Variants in PRR16 observed in about 807,000 individuals in gnomAD.
PRR16 encodes the protein protein Largen.
PRR16 carries 6 observed loss-of-function variants against 18.2 expected under a neutral mutation model. The observed-to-expected ratio is 0.33, with a 90% CI of 0.18 to 0.65. The LOEUF (loss-of-function observed/expected upper bound fraction) is 0.65, where lower values mean the gene tolerates loss of function less well. Among genes scored for constraint, PRR16 ranks in the 30% least tolerant of loss-of-function variants. PRR16 has a pLI of 0.74. For synonymous variants in PRR16, 151 were observed against 147.8 expected (o/e 1.02, Z -0.16); for missense variants, 412 against 376.6 (o/e 1.09, Z -0.78).
chr5:120,546,637 C>G (rs760251603), intron 1 of PRR16, among the ~76,000 whole-genome samples: 2 of 152,048 alleles, frequency 1.3e-5, no homozygotes, highest in Non-Finnish European at 2.9e-5. Context: ...TAAAAGCACA[C>G]AGTGTGAAGA....
chr5:120,673,366 T>C (rs917571126), intron 1 of PRR16, among the ~76,000 whole-genome samples: 4 of 152,258 alleles, frequency 2.6e-5, no homozygotes, highest in Non-Finnish European at 5.9e-5. Flanking sequence ...CTTATGGTTG[T>C]ATGACAAAAT....
chr5:120,634,880 A>G (rs977727450), intron 1 of PRR16, among the ~76,000 whole-genome samples: 2 of 152,188 alleles, frequency 1.3e-5, no homozygotes, highest in Non-Finnish European at 2.9e-5. Flanking sequence ...AGATTCACCA[A>G]GAAAAGAAGA....
intron 1 of PRR16, among the ~76,000 whole-genome samples, chr5:120,611,868 C>T (rs1020253119): frequency 1.1e-4 from 16 of 152,278 alleles, no homozygotes; most frequent in Non-Finnish European, 1.6e-4. Flanking sequence ...AATGGTAGCT[C>T]TACCGACAGC....
the PRR16 span, among the ~76,000 whole-genome samples, chr5:120,722,961 T>C: frequency 2.6e-5 from 4 of 151,490 alleles, no homozygotes; most frequent in Admixed American, 6.6e-5. Context: ...TTAAGAATTA[T>C]ATATATAATA....
the PRR16 span, among the ~76,000 whole-genome samples, chr5:120,751,795 G>C: frequency 2.0e-5 from 3 of 152,036 alleles, no homozygotes; most frequent in Admixed American, 6.6e-5. Context: ...ATCTTTGTAG[G>C]GGGTGGGTGG....
At position 120,651,253 on chromosome 5, in the gene PRR16, G is replaced by A. The variant is rs371862800; in HGVS notation, c.160-34701G>A. The stretch of plus-strand genomic sequence containing the variant: ...GCCCCTTGTCAGATGAGTAGGTTGC[G>A]AAAATGTTCTCCCATTCTGTAGGTT... On this transcript the variant is annotated intron_variant, in intron 1 of 1. Coordinates refer to ENST00000407149, the MANE Select transcript of PRR16 (RefSeq NM_001300783.2). Among the ~76,000 whole-genome samples the A allele has an allele frequency of 2.6e-5, 4 of 152,184 alleles. No individual in the cohort carries two copies. In the East Asian group the frequency reaches 5.8e-4, roughly 22 times the overall value.
chr5:120,768,317 A>T, the PRR16 span, among the ~76,000 whole-genome samples: 1 of 151,842 alleles, frequency 6.6e-6, no homozygotes, highest in Non-Finnish European at 1.5e-5. Flanking sequence ...TAGCTATTGT[A>T]ATTTATTCGT....
At chr5:120,695,122 A>G in the PRR16 span, among the ~76,000 whole-genome samples, 1 of 152,272 alleles carries the variant, frequency 6.6e-6, no homozygotes, top group East Asian at 1.9e-4. Flanking sequence ...TGGCACTATT[A>G]TTTTCTACCC....
chr5:120,716,847 G>T, the PRR16 span, among the ~76,000 whole-genome samples: 7 of 151,920 alleles, frequency 4.6e-5, no homozygotes, highest in African/African-American at 7.3e-5. Context: ...ACTCCAACCT[G>T]GGCAACAGAG....
chr5:120,787,359 C>T, the PRR16 span, among the ~76,000 whole-genome samples: 1 of 152,020 alleles, frequency 6.6e-6, no homozygotes, highest in Non-Finnish European at 1.5e-5. Context: ...TATCTCATAC[C>T]AACCAGTGAG....
chr5:120,782,588 A>G, the PRR16 span, among the ~76,000 whole-genome samples: 57 of 152,192 alleles, frequency 3.7e-4, no homozygotes, highest in African/African-American at 1.3e-3. Flanking sequence ...CACTGCAGTC[A>G]TAAGTTACAA....
chr5:120,652,481 T>G lies in PRR16; in HGVS notation c.160-33473T>G, dbSNP rs75186954. Among the ~76,000 whole-genome samples, 1,376 of 151,844 alleles carry G rather than the reference T, an allele frequency of 9.1e-3. 8 individuals carry two copies. Among genetic ancestry groups the G allele is most frequent in the South Asian group, 0.028 (133 of 4,784 alleles). On this transcript the variant is annotated intron_variant, in intron 1 of 1. Transcript: ENST00000407149. The stretch of plus-strand genomic sequence containing the variant: ...TGAAGGCAAGTGGACCAGCTTAATA[T>G]CAATGTAATAAATCATATTTTTAGT...
intron 1 of PRR16, among the ~76,000 whole-genome samples, chr5:120,673,552 A>G (rs1756687420): frequency 6.6e-6 from 1 of 152,350 alleles, no homozygotes; most frequent in Middle Eastern, 3.4e-3. Context: ...TAACATTTTT[A>G]TACAAATCTT....
the PRR16 span, among the ~76,000 whole-genome samples, chr5:120,722,007 A>G: frequency 1.3e-5 from 2 of 151,946 alleles, no homozygotes; most frequent in Admixed American, 6.6e-5. Context: ...ATTTCTCCTA[A>G]TGCTATCCTT....
chr5:120,652,760 T>C (rs1272118253), intron 1 of PRR16, among the ~76,000 whole-genome samples: 1 of 151,904 alleles, frequency 6.6e-6, no homozygotes, highest in East Asian at 1.9e-4. Flanking sequence ...AAAAGGGACA[T>C]TAGGTGAAGA....
intron 1 of PRR16, among the ~76,000 whole-genome samples, chr5:120,473,058 C>T (rs1222718704): frequency 6.6e-6 from 1 of 152,058 alleles, no homozygotes; most frequent in East Asian, 1.9e-4. Context: ...ATGTGTAAGT[C>T]ACTGTGCTGA....
chr5:120,778,016 G>T, the PRR16 span, among the ~76,000 whole-genome samples: 1 of 152,100 alleles, frequency 6.6e-6, no homozygotes, highest in Non-Finnish European at 1.5e-5. Flanking sequence ...CTTCGATAGT[G>T]TAGTTTACTT....
At chr5:120,474,867 C>G (rs984721547) in intron 1 of PRR16, among the ~76,000 whole-genome samples, 2 of 152,110 alleles carry the variant, frequency 1.3e-5, no homozygotes, top group East Asian at 3.9e-4. Context: ...GTCTTCTTGC[C>G]AGTTAGTTTG....
chr5:120,758,642 TTCTCCTGCACTCTCTC>T, the PRR16 span, among the ~76,000 whole-genome samples: 1 of 152,032 alleles, frequency 6.6e-6, no homozygotes, highest in Non-Finnish European at 1.5e-5. Context: ...AAGTGGCAGT[TTCTCCTGCACTCTCTC>T]TCTCCTGCTG....
Sources: allele counts gnomAD v4.1 joint callset (sites outside exome capture counted in the v4.1 genomes callset), GRCh38; gene constraint gnomAD v4.1.1; transcripts MANE v1.5; gene names NCBI Gene and HGNC (gene_info 2026-07-23, HGNC 2026-07-21).